The following CD55 variants were observed in gnomAD, a reference collection of about 807,000 sequenced individuals.
The protein encoded by CD55 is complement decay-accelerating factor.
Under a neutral mutation model 45.8 loss-of-function variants are expected in CD55, and 41 were observed. The ratio of observed to expected loss-of-function variants is 0.90; its 90% CI spans 0.70 to 1.16. The LOEUF is 1.16. Ranked by LOEUF, CD55 falls within the 50% of genes most tolerant of loss-of-function variation. The pLI, the probability that CD55 is intolerant of heterozygous loss-of-function variation, is 0.00. For missense variants in CD55, 416 were observed against 469.8 expected, an observed-to-expected ratio of 0.89 and a Z score of 1.06; for synonymous variants, 181 against 181.1, an observed-to-expected ratio of 1.00 and a Z score of 0.01.
intron 9 of CD55, among the ~76,000 whole-genome samples, chr1:207,355,505 A>G (rs1272127122): frequency 6.6e-6 from 1 of 152,212 alleles, no homozygotes; most frequent in East Asian, 1.9e-4. Context: ...AGTGCTTTGA[A>G]TCTTAAAAGT....
intron 9 of CD55, chr1:207,354,007 C>G (rs1446899900): frequency 6.5e-7 from 1 of 1,533,614 alleles, no homozygotes; most frequent in Non-Finnish European, 8.7e-7. Context: ...ACTTTGTTAG[C>G]TCTGCAAGTT....
In CD55 at chr1:207,334,693, A is replaced by G. The variant is rs1315133763; in HGVS notation, c.854-2000A>G. On this transcript the variant is annotated intron_variant, in intron 6 of 9. Coordinates refer to ENST00000367064, the MANE Select transcript of CD55 (RefSeq NM_000574.5). ...AGGGTTGCTACAAATGAATGACAGA[A>G]GAATACATAAATCACAAGCTAATAA... 4.6e-5 allele frequency among the ~76,000 whole-genome samples: 7 copies of G among 152,170 alleles called. 1 individual carries two copies. The highest frequency in any genetic ancestry group is 4.6e-4 in the Admixed American group (7 of 15,272).
intron 9 of CD55, among the ~76,000 whole-genome samples, chr1:207,344,041 T>A (rs1655533176): frequency 6.6e-6 from 1 of 152,238 alleles, no homozygotes; most frequent in Admixed American, 6.5e-5. Context: ...TTACTTTCAG[T>A]CACAATGTGT....
chr1:207,321,832 C>G lies in CD55; in HGVS notation c.67C>G (p.Leu23Val). 2 of 1,529,778 alleles carry G rather than the reference C, an allele frequency of 1.3e-6. No homozygotes were observed. The highest frequency in any genetic ancestry group is 1.7e-6 in the Non-Finnish European group (2 of 1,143,954). 94.8% of individuals were successfully genotyped at this position (1,529,778 alleles called of 1,614,324 possible). A position where few individuals can be genotyped will look rare whatever the true frequency, so the allele number is the denominator to read the frequency against. ...CCTCGGGGAGCTGCCCCGGCTGCTGCTGCTGGTGCTGTTGTGCCTGCCGGC... is the reference window on the plus strand; with the variant it reads ...CCTCGGGGAGCTGCCCCGGCTGCTGGTGCTGGTGCTGTTGTGCCTGCCGGC... ...PLLGELPRLL[L>V]LVLLCLPAVW... Residue 23 changes from leucine (L) to valine (V), a missense_variant, in exon 1 of 10, where the codon CTG becomes GTG. By Grantham distance (32) the Leu-to-Val change is conservative. Around this residue, in one of 3 missense-constraint regions of CD55, gnomAD observed 123 missense variants for 105.1 expected, o/e 1.17. Coordinates refer to ENST00000367064, the MANE Select transcript of CD55 (RefSeq NM_000574.5).
chr1:207,331,654 T>G (rs1156651808), intron 6 of CD55, among the ~76,000 whole-genome samples: 1 of 152,204 alleles, frequency 6.6e-6, no homozygotes, highest in African/African-American at 2.4e-5. Context: ...GAATCTTAGA[T>G]TGAAGGCTCT....
intron 9 of CD55, chr1:207,354,305 T>C (rs993171683): frequency 3.0e-5 from 27 of 914,460 alleles, no homozygotes; most frequent in Non-Finnish European, 3.4e-5. Context: ...TTTCTTGGTC[T>C]CAGTTTTCTT....
chr1:207,352,669 G>A (rs28371635), intron 9 of CD55, among the ~76,000 whole-genome samples: 1 of 152,096 alleles, frequency 6.6e-6, no homozygotes, highest in African/African-American at 2.4e-5. Flanking sequence ...AGCTTAATGT[G>A]ATTAGTGGGT....
At chr1:207,359,137 G>T (rs1416346880) in intron 9 of CD55, among the ~76,000 whole-genome samples, 1 of 152,100 alleles carries the variant, frequency 6.6e-6, no homozygotes, top group Non-Finnish European at 1.5e-5. Context: ...ATAACTTGGT[G>T]TAAATGTATC....
intron 3 of CD55, 128 bp from the exon 4 acceptor site, chr1:207,325,494 T>C: frequency 1.8e-6 from 1 of 548,544 alleles, no homozygotes; most frequent in Non-Finnish European, 3.2e-6. Context: ...TGTTTTGATA[T>C]ATGTGCACAT....
chr1:207,339,226 A>AG (rs1333403785), intron 8 of CD55, among the ~76,000 whole-genome samples, 171 bp from the exon 9 acceptor site: 4 of 1,974 alleles, frequency 2.0e-3, no homozygotes, highest in African/African-American at 2.3e-3. Flanking sequence ...ATTCTACTTG[A>AG]TTAAGTTAAT....
intron 9 of CD55, among the ~76,000 whole-genome samples, chr1:207,343,062 T>C (rs1655494187): frequency 6.6e-6 from 1 of 152,132 alleles, no homozygotes; most frequent in Non-Finnish European, 1.5e-5. Flanking sequence ...TTTCTGATTT[T>C]ATTTGGGGCT....
At chr1:207,348,494 A>G (rs1410160087) in intron 9 of CD55, among the ~76,000 whole-genome samples, 1 of 152,168 alleles carries the variant, frequency 6.6e-6, no homozygotes, top group African/African-American at 2.4e-5. Flanking sequence ...ATAGTTTGCA[A>G]ATATTTTCTC....
intron 4 of CD55, among the ~76,000 whole-genome samples, chr1:207,326,020 A>ACAAT (rs10634414): frequency 6.6e-6 from 1 of 151,672 alleles, no homozygotes; most frequent in Non-Finnish European, 1.5e-5. Flanking sequence ...ACTTGCAGAA[A>ACAAT]TCTTCAAATG....
At chr1:207,330,113 C>T (rs184761436) in intron 5 of CD55, among the ~76,000 whole-genome samples, 44 of 152,198 alleles carry the variant, frequency 2.9e-4, no homozygotes, top group Admixed American at 2.7e-3. Context: ...AAATGCCTGG[C>T]GTGTGTTAGG....
intron 9 of CD55, among the ~76,000 whole-genome samples, chr1:207,343,100 C>T (rs1368145089): frequency 1.3e-5 from 2 of 151,922 alleles, no homozygotes; most frequent in Non-Finnish European, 2.9e-5. Context: ...GTTAGTCTAG[C>T]AAGTACTTTA....
chr1:207,342,268 C>G (rs984542450), intron 9 of CD55, among the ~76,000 whole-genome samples: 5 of 151,788 alleles, frequency 3.3e-5, no homozygotes, highest in African/African-American at 1.2e-4. Context: ...TAAATGAAAA[C>G]TTGGTTCTCT....
intron 9 of CD55, among the ~76,000 whole-genome samples, chr1:207,352,740 A>G (rs897659683): frequency 1.3e-5 from 2 of 152,188 alleles, no homozygotes; most frequent in Non-Finnish European, 2.9e-5. Flanking sequence ...AAGTCACTGC[A>G]TGCAATCACT....
At chr1:207,359,516 C>CTTTTTTTTTTTT in intron 9 of CD55, 30 bp from the exon 10 acceptor site, 14 of 1,283,762 alleles carry the variant, frequency 1.1e-5, no homozygotes, top group South Asian at 6.2e-5. Context: ...TTGATTTTAA[C>CTTTTTTTTTTTT]TTTTTTTTTT....
At chr1:207,323,011 G>C (rs950731507) in intron 2 of CD55, among the ~76,000 whole-genome samples, 4 of 152,034 alleles carry the variant, frequency 2.6e-5, no homozygotes, top group African/African-American at 9.7e-5. Flanking sequence ...GGGTACATGT[G>C]ATATTCTGGC....
Sources: gnomAD v4.1 joint callset for allele counts (sites outside exome capture counted in the v4.1 genomes callset) on GRCh38, gnomAD v4.1.1 for gene constraint, gnomAD v4.1.1 regional missense constraint, MANE v1.5 for transcripts, NCBI Gene and HGNC (gene_info 2026-07-23, HGNC 2026-07-21) for gene names.